Variants in SGMS1 observed in about 807,000 individuals in gnomAD.
The protein encoded by SGMS1 is phosphatidylcholine:ceramide cholinephosphotransferase 1.
A neutral mutation model predicts 46.2 loss-of-function variants in SGMS1; 13 were observed. The observed-to-expected ratio is 0.28, with a 90% confidence interval of 0.18 to 0.45. The LOEUF (loss-of-function observed/expected upper bound fraction) is 0.45. SGMS1 is among the 20% of genes least tolerant of loss of function. SGMS1 has a pLI of 1.00. For missense variants in SGMS1, 324 were observed against 519.9 expected (o/e 0.62, Z 3.66); for synonymous variants, 203 against 187.8 (o/e 1.08, Z -0.66).
At chr10:50,584,616 C>T (rs889708229) in intron 2 of SGMS1, among the ~76,000 whole-genome samples, 3 of 151,586 alleles carry the variant, frequency 2.0e-5, no homozygotes, top group Non-Finnish European at 2.9e-5. Flanking sequence ...TACCAGTTCA[C>T]ATTCCTTCCC....
At chr10:50,456,918 T>C (rs556478932) in intron 5 of SGMS1, among the ~76,000 whole-genome samples, 3 of 152,280 alleles carry the variant, frequency 2.0e-5, no homozygotes, top group Non-Finnish European at 4.4e-5. Flanking sequence ...ACAGCGCTTG[T>C]ACTGGGAAAC....
chr10:50,323,833 C>T (rs1847487669), intron 8 of SGMS1, among the ~76,000 whole-genome samples: 1 of 152,160 alleles, frequency 6.6e-6, no homozygotes, highest in Non-Finnish European at 1.5e-5. Flanking sequence ...TCTTCCTCTC[C>T]ATCCATCCTT....
At chr10:50,611,334 C>T (rs1838747339) in intron 1 of SGMS1, among the ~76,000 whole-genome samples, 1 of 152,236 alleles carries the variant, frequency 6.6e-6, no homozygotes, top group South Asian at 2.1e-4. Flanking sequence ...AGGGTCTTCA[C>T]ACCACGACAC....
intron 6 of SGMS1, among the ~76,000 whole-genome samples, chr10:50,405,497 C>G (rs1019003701): frequency 6.6e-6 from 1 of 152,074 alleles, no homozygotes; most frequent in African/African-American, 2.4e-5. Context: ...GTGTATAGAG[C>G]AAGAAGCCAC....
At chr10:50,542,045 T>C (rs1838057920) in intron 2 of SGMS1, among the ~76,000 whole-genome samples, 1 of 152,258 alleles carries the variant, frequency 6.6e-6, no homozygotes, top group South Asian at 2.1e-4. Flanking sequence ...GGAACCATTA[T>C]CTTTTCTTAA....
At chr10:50,416,127 A>G (rs1184350088) in intron 6 of SGMS1, among the ~76,000 whole-genome samples, 5 of 152,214 alleles carry the variant, frequency 3.3e-5, no homozygotes, top group Non-Finnish European at 5.9e-5. Flanking sequence ...CGCTGGGACA[A>G]TGAGGCACTT....
rs554676132 is a variant in SGMS1 at position 50,609,426 on chromosome 10, C to G, written c.-684+14281G>C. Reference sequence around the variant, plus strand: ...GACTCTTGCCTTGGTAGACTAAGACCTGTTGAGGACATATCTGTCTAGTTC... The same window carrying G: ...GACTCTTGCCTTGGTAGACTAAGACGTGTTGAGGACATATCTGTCTAGTTC... On this transcript the variant is annotated intron_variant, in intron 1 of 10. Transcript: ENST00000361781. Among the ~76,000 whole-genome samples, 3 of 151,856 alleles carry G rather than the reference C, an allele frequency of 2.0e-5. No homozygotes were observed. In the East Asian group the frequency reaches 5.8e-4, roughly 29 times the overall value.
At chr10:50,564,041 GATGTTAAA>G (rs1838266720) in intron 2 of SGMS1, among the ~76,000 whole-genome samples, 2 of 152,310 alleles carry the variant, frequency 1.3e-5, no homozygotes, top group South Asian at 4.1e-4. Flanking sequence ...CCTCTAACCT[GATGTTAAA>G]ATGCAGAACA....
At chr10:50,356,984 GTGCAGCA>G (rs1417753107) in intron 6 of SGMS1, among the ~76,000 whole-genome samples, 4 of 151,794 alleles carry the variant, frequency 2.6e-5, no homozygotes, top group Admixed American at 6.6e-5. Flanking sequence ...GAGTTAATGG[GTGCAGCA>G]TGCAGCACAC....
intron 3 of SGMS1, among the ~76,000 whole-genome samples, chr10:50,498,087 A>G (rs1036895992): frequency 1.3e-5 from 2 of 152,244 alleles, no homozygotes; most frequent in African/African-American, 4.8e-5. Context: ...CAAGATGAAG[A>G]GAACACAGAC....
chr10:50,357,361 T>C (rs1270013383), intron 6 of SGMS1, among the ~76,000 whole-genome samples: 1 of 152,194 alleles, frequency 6.6e-6, no homozygotes, highest in Non-Finnish European at 1.5e-5. Context: ...ATAAATCATT[T>C]ATAAATTTTT....
intron 2 of SGMS1, among the ~76,000 whole-genome samples, chr10:50,539,079 G>A (rs1230940129): frequency 6.6e-6 from 1 of 152,240 alleles, no homozygotes; most frequent in African/African-American, 2.4e-5. Flanking sequence ...TGCCATGTGG[G>A]CATCCAGGGA....
At chr10:50,519,620 G>T (rs1022360747) in intron 3 of SGMS1, among the ~76,000 whole-genome samples, 1 of 152,182 alleles carries the variant, frequency 6.6e-6, no homozygotes, top group Non-Finnish European at 1.5e-5. Context: ...TCCAGTGGGG[G>T]AGCTGGCCTC....
At chr10:50,507,374 C>A (rs1310656530) in intron 3 of SGMS1, among the ~76,000 whole-genome samples, 1 of 152,246 alleles carries the variant, frequency 6.6e-6, no homozygotes, top group African/African-American at 2.4e-5. Flanking sequence ...AGCTCCCATG[C>A]AGCTCTTCTG....
chr10:50,322,825 C>T (rs1374159871), intron 8 of SGMS1, among the ~76,000 whole-genome samples: 1 of 117,926 alleles, frequency 8.5e-6, no homozygotes, highest in African/African-American at 3.5e-5. Flanking sequence ...GGCGACAGAG[C>T]GAGACTCCGT....
chr10:50,535,005 G>A (rs551364443), intron 2 of SGMS1, among the ~76,000 whole-genome samples: 13 of 152,240 alleles, frequency 8.5e-5, no homozygotes, highest in East Asian at 3.9e-4. Context: ...AGGCCGAGGC[G>A]GTTGAATCAC....
At chr10:50,366,624 A>T (rs2133430913) in intron 6 of SGMS1, among the ~76,000 whole-genome samples, 1 of 152,338 alleles carries the variant, frequency 6.6e-6, no homozygotes, top group Non-Finnish European at 1.5e-5. Context: ...TGCAGCCATA[A>T]AAAAGGATGA....
intron 5 of SGMS1, among the ~76,000 whole-genome samples, chr10:50,449,202 G>GT (rs1837068324): frequency 6.6e-6 from 1 of 152,174 alleles, no homozygotes; most frequent in Non-Finnish European, 1.5e-5. Context: ...GGTTCCGTTA[G>GT]TTGAGCACAG....
At chr10:50,530,470 A>T (rs1837942581) in intron 2 of SGMS1, among the ~76,000 whole-genome samples, 1 of 152,224 alleles carries the variant, frequency 6.6e-6, no homozygotes, top group Non-Finnish European at 1.5e-5. Context: ...CTTTCCACCG[A>T]AGTACTGAGA....
Sources: allele counts gnomAD v4.1 joint callset (sites outside exome capture counted in the v4.1 genomes callset), GRCh38; gene constraint gnomAD v4.1.1; transcripts MANE v1.5; gene names NCBI Gene and HGNC (gene_info 2026-07-23, HGNC 2026-07-21).